Variants in MLPH observed in about 807,000 individuals in gnomAD.
MLPH encodes melanophilin.
In MLPH, 51 loss-of-function variants were observed where a neutral mutation model predicts 72.1. That is an observed-to-expected ratio of 0.71 (90% confidence interval 0.56 to 0.89). The LOEUF (loss-of-function observed/expected upper bound fraction) is 0.89, where lower values mean the gene tolerates loss of function less well. MLPH is among the 40% of genes least tolerant of loss of function. The probability of loss-of-function intolerance (pLI) is 0.00; values close to 1 mark genes in which losing one functional copy is unlikely to be tolerated. For missense variants in MLPH, 743 were observed against 759.9 expected (o/e 0.98, Z 0.26); for synonymous variants, 301 against 310.1 (o/e 0.97, Z 0.31).
At chr2:237,524,321 A>ATATAT (rs1559357447) in intron 6 of MLPH, among the ~76,000 whole-genome samples, 4 of 146,196 alleles carry the variant, frequency 2.7e-5, no homozygotes, top group African/African-American at 8.2e-5. Context: ...ATATATATAT[A>ATATAT]AAGGGGAGTT....
At chr2:237,498,615 G>A (rs2079584343) in intron 2 of MLPH, among the ~76,000 whole-genome samples, 1 of 152,206 alleles carries the variant, frequency 6.6e-6, no homozygotes, top group Non-Finnish European at 1.5e-5. Context: ...CGCCTGACAA[G>A]GCTCTCCTTG....
Position 237,510,393 on chromosome 2 carries a change from A to T in MLPH, c.111-181A>T. The T allele has an allele frequency of 1.4e-6, 1 of 696,032 alleles. No individual in the cohort carries two copies. Among genetic ancestry groups the T allele is most frequent in the East Asian group, 2.7e-5 (1 of 36,640 alleles). The allele number at this position is 696,032 out of a possible 1,614,324, so 43.1% of individuals were successfully genotyped here. On this transcript the variant is annotated intron_variant, in intron 2 of 15. Transcript: ENST00000264605. This position sits in a 1 kb window ranked among gnomAD's most constrained non-coding sequence, Gnocchi z 4.4. Reference sequence around the variant, plus strand: ...AATTGCCCGTTTGAGCTCAGCCCTCAAAACAAAGATGCCTGTGTGGCTTTG... The same window carrying T: ...AATTGCCCGTTTGAGCTCAGCCCTCTAAACAAAGATGCCTGTGTGGCTTTG...
At chr2:237,518,381 G>A (rs1489107957) in intron 4 of MLPH, 158 bp from the exon 5 acceptor site, 5 of 714,014 alleles carry the variant, frequency 7.0e-6, no homozygotes, top group Non-Finnish European at 1.3e-5. Flanking sequence ...GTAGATGGAG[G>A]GATACATTGC....
chr2:237,515,278 C>T (rs147598613), intron 4 of MLPH, among the ~76,000 whole-genome samples: 49 of 152,248 alleles, frequency 3.2e-4, no homozygotes, highest in Non-Finnish European at 6.2e-4. Context: ...TTGGAAGATG[C>T]GTCGGTGATT....
intron 8 of MLPH, among the ~76,000 whole-genome samples, chr2:237,532,673 C>T (rs752013419): frequency 4.6e-5 from 7 of 152,330 alleles, no homozygotes; most frequent in African/African-American, 1.7e-4. Flanking sequence ...GTATTCTGTC[C>T]GTACATATCT....
intron 1 of MLPH, among the ~76,000 whole-genome samples, chr2:237,490,985 T>C (rs2079418836): frequency 6.6e-6 from 1 of 152,240 alleles, no homozygotes; most frequent in Non-Finnish European, 1.5e-5. Flanking sequence ...TCTCCATTTT[T>C]ATGGCATAAG....
At position 237,542,367 on chromosome 2, in the gene MLPH, C is replaced by T. The variant is rs917950476; in HGVS notation, c.1447-200C>T. Among the ~76,000 whole-genome samples the T allele has an allele frequency of 3.3e-5, 5 of 152,290 alleles. 1 individual carries two copies. The highest frequency in any genetic ancestry group is 3.4e-3 in the Middle Eastern group (1 of 294). On this transcript the variant is annotated intron_variant, in intron 11 of 15. Coordinates refer to ENST00000264605, the MANE Select transcript of MLPH (RefSeq NM_024101.7). ...GGGGTGACCCATAAGGAACACCCCC[C>T]CCTTCTCAACAACCACAGAAGATAA...
chr2:237,520,882 T>C (rs2080168157), intron 6 of MLPH, among the ~76,000 whole-genome samples: 1 of 152,170 alleles, frequency 6.6e-6, no homozygotes, highest in Admixed American at 6.5e-5. Context: ...TTGGGGGTTG[T>C]ATGGTGAATT....
chr2:237,554,203 C>T lies in MLPH; in HGVS notation c.*611C>T, dbSNP rs890218336. The T allele has an allele frequency of 3.4e-5, 7 of 206,696 alleles. No individual in the cohort carries two copies. Among genetic ancestry groups the T allele is most frequent in the Middle Eastern group, 1.9e-3 (1 of 532 alleles). 12.8% of individuals were successfully genotyped at this position (206,696 alleles called of 1,614,324 possible). ...GATCTGTAGACCAGGGGAAATTACA[C>T]TGCGGTCAAGGGCAGAGCCTGCACA... On this transcript the variant is annotated 3_prime_UTR_variant, in exon 16 of 16. Coordinates refer to ENST00000264605, the MANE Select transcript of MLPH (RefSeq NM_024101.7).
chr2:237,531,279 C>T (rs1249930739), intron 8 of MLPH, among the ~76,000 whole-genome samples: 4 of 135,906 alleles, frequency 2.9e-5, no homozygotes, highest in Non-Finnish European at 6.4e-5. Context: ...CATCCAGGGA[C>T]CTGTGGATGC....
rs1019736123 is a variant in MLPH, at chr2:237,512,240, C to T, written c.445+1139C>T. Among the ~76,000 whole-genome samples, 4 of 152,238 alleles carry T rather than the reference C, an allele frequency of 2.6e-5. No individual in the cohort carries two copies. Among genetic ancestry groups the T allele is most frequent in the Admixed American group, 6.5e-5 (1 of 15,290 alleles). On this transcript the variant is annotated intron_variant, in intron 4 of 15. Transcript: ENST00000264605. This position sits in a 1 kb window ranked among gnomAD's most constrained non-coding sequence, Gnocchi z 5.5. ...CCTTATTCGTGCCTGTCTCTTAAAG[C>T]CTCAAGTTTGATTGAAGAAGCAGAA...
At chr2:237,492,932 T>C (rs914361712) in intron 1 of MLPH, among the ~76,000 whole-genome samples, 5 of 152,224 alleles carry the variant, frequency 3.3e-5, no homozygotes, top group African/African-American at 1.2e-4. Context: ...GTCTAGGAGA[T>C]GCACAGGAGA....
chr2:237,534,503 G>A (rs2080490728), intron 8 of MLPH, 61 bp from the exon 9 acceptor site: 4 of 1,387,346 alleles, frequency 2.9e-6, no homozygotes, highest in African/African-American at 2.9e-5. Context: ...GTGGGTGCCA[G>A]TGTCTTGCTG....
chr2:237,499,224 A>G (rs1266929221), intron 2 of MLPH, among the ~76,000 whole-genome samples: 2 of 152,200 alleles, frequency 1.3e-5, no homozygotes, highest in Non-Finnish European at 2.9e-5. Context: ...AAAGAAAAAT[A>G]TATACATAGC....
rs2079750981 is a variant in MLPH, at chr2:237,505,585, TC to T, written c.111-4987del. Among the ~76,000 whole-genome samples, 1 of 152,144 alleles carries T rather than the reference TC, an allele frequency of 6.6e-6. No homozygotes were observed. Among genetic ancestry groups the T allele is most frequent in the Admixed American group, 6.5e-5 (1 of 15,272 alleles). ...CGCCATCCTGGGCTCTCCCCAGTATTCCTGCATGTTGCCACCACACCCCTGT... is the reference window on the plus strand; with the variant it reads ...CGCCATCCTGGGCTCTCCCCAGTATTCTGCATGTTGCCACCACACCCCTGT... On this transcript the variant is annotated intron_variant, in intron 2 of 15. Coordinates refer to ENST00000264605, the MANE Select transcript of MLPH (RefSeq NM_024101.7). The surrounding 1 kb of genome is among the most constrained non-coding windows in gnomAD (Gnocchi z 4.5).
intron 6 of MLPH, among the ~76,000 whole-genome samples, chr2:237,524,841 C>T (rs2106337134): frequency 6.6e-6 from 1 of 152,340 alleles, no homozygotes; most frequent in East Asian, 1.9e-4. Context: ...TGGGCACAGG[C>T]AGTGCTGAGC....
intron 12 of MLPH, chr2:237,545,388 C>G: frequency 8.3e-7 from 1 of 1,201,452 alleles, no homozygotes; most frequent in Non-Finnish European, 1.1e-6. Flanking sequence ...TTCCTCATAG[C>G]CAGTTAGCCA....
chr2:237,510,800 G>A lies in MLPH; in HGVS notation c.332+5G>A. ...TGACCCCTGCCATCTGGCCAGGTGA[G>A]CCCAGGCCTTGAGGTAAAATGACCT... On this transcript the variant is annotated splice_donor_5th_base_variant and intron_variant, in intron 3 of 15. Coordinates refer to ENST00000264605, the MANE Select transcript of MLPH (RefSeq NM_024101.7). This position sits in a 1 kb window ranked among gnomAD's most constrained non-coding sequence, Gnocchi z 4.4. The A allele has an allele frequency of 6.2e-7, 1 of 1,613,218 alleles. No individual in the cohort carries two copies.
At chr2:237,494,948 G>A (rs1016184460) in intron 2 of MLPH, among the ~76,000 whole-genome samples, 1 of 152,176 alleles carries the variant, frequency 6.6e-6, no homozygotes, top group Non-Finnish European at 1.5e-5. Flanking sequence ...AGTTCTGCAG[G>A]TCAGAGGTCC....
Sources: gnomAD v4.1 joint callset for allele counts (sites outside exome capture counted in the v4.1 genomes callset) on GRCh38, gnomAD v4.1.1 for gene constraint, Gnocchi (gnomAD v3.1) non-coding constraint, MANE v1.5 for transcripts, NCBI Gene and HGNC (gene_info 2026-07-23, HGNC 2026-07-21) for gene names.